Variants in HECW1 observed in about 807,000 individuals in gnomAD.
HECW1 encodes the protein E3 ubiquitin-protein ligase HECW1.
Under a neutral mutation model 182.3 loss-of-function variants are expected in HECW1, and 61 were observed. That is an observed-to-expected ratio of 0.33 (90% CI 0.27 to 0.41). The LOEUF (loss-of-function observed/expected upper bound fraction) is 0.41, where lower values mean the gene tolerates loss of function less well. Ranked by LOEUF, HECW1 falls within the 10% of genes least tolerant of loss-of-function variation. The pLI is 1.00. For missense variants in HECW1, 1,739 were observed against 2,108.9 expected (o/e 0.82, Z 3.44); for synonymous variants, 859 against 832.6 (o/e 1.03, Z -0.55).
intron 2 of HECW1, among the ~76,000 whole-genome samples, chr7:43,212,858 T>C (rs773699361): frequency 3.9e-5 from 6 of 152,238 alleles, no homozygotes; most frequent in Non-Finnish European, 8.8e-5. Flanking sequence ...GAAAAAGATC[T>C]TATTTGGCTA....
intron 6 of HECW1, among the ~76,000 whole-genome samples, chr7:43,381,950 C>T (rs1179731886): frequency 1.3e-5 from 2 of 152,096 alleles, no homozygotes; most frequent in Non-Finnish European, 2.9e-5. Context: ...AGGTGTGAGT[C>T]ACCACACCCA....
At position 43,167,493 on chromosome 7, in the gene HECW1, G is replaced by C. The variant is rs189410983; in HGVS notation, c.-32+53102G>C. On this transcript the variant is annotated intron_variant, in intron 2 of 29. Transcript: ENST00000395891. ...GATCCACTATTCAACAACTCCAGATGGAGGGAGGTTGGAAGAGGTTCGGAG... is the reference window on the plus strand; with the variant it reads ...GATCCACTATTCAACAACTCCAGATCGAGGGAGGTTGGAAGAGGTTCGGAG... 1.0e-3 allele frequency among the ~76,000 whole-genome samples: 155 copies of C among 152,312 alleles called. 1 individual carries two copies. Among genetic ancestry groups the C allele is most frequent in the African/African-American group, 3.6e-3 (148 of 41,562 alleles).
At chr7:43,198,265 A>ACACT (rs1163333487) in intron 2 of HECW1, among the ~76,000 whole-genome samples, 331 of 147,766 alleles carry the variant, frequency 2.2e-3, no homozygotes, top group African/African-American at 7.9e-3. Flanking sequence ...ACCCACTCAC[A>ACACT]CACACCCCAC....
At chr7:43,308,571 A>T (rs1808090932) in intron 3 of HECW1, among the ~76,000 whole-genome samples, 1 of 151,426 alleles carries the variant, frequency 6.6e-6, no homozygotes, top group Non-Finnish European at 1.5e-5. Context: ...CTTTGTGTTC[A>T]TATCTTTATT....
chr7:43,315,764 G>A (rs1809161567), intron 4 of HECW1, among the ~76,000 whole-genome samples: 1 of 152,082 alleles, frequency 6.6e-6, no homozygotes, highest in East Asian at 1.9e-4. Flanking sequence ...AAACTCCTGG[G>A]ATTACAGGCG....
Position 43,444,968 on chromosome 7 carries a change from G to A in HECW1, c.1796G>A (p.Gly599Glu). The A allele has an allele frequency of 3.8e-6, 6 of 1,565,546 alleles. No individual in the cohort carries two copies. The highest frequency in any genetic ancestry group is 5.2e-6 in the Non-Finnish European group (6 of 1,154,568). Residue 599 changes from glycine to glutamate, a missense_variant, in exon 11 of 30, where the codon GGG (glycine) becomes GAG (glutamate). By Grantham distance (98) the Gly-to-Glu change is moderately conservative. Transcript: ENST00000395891. The surrounding 1 kb of genome is among the most constrained non-coding windows in gnomAD (Gnocchi z 4.3). ...STLKDSSEKDGLSEVDTVAAD... is the reference protein window; with the variant it reads ...STLKDSSEKDELSEVDTVAAD... Reference sequence around the variant, plus strand: ...CTCAAGGACTCCTCGGAGAAGGATGGGCTCAGCGAGGTGGACACGGTGGCC... The same window carrying A: ...CTCAAGGACTCCTCGGAGAAGGATGAGCTCAGCGAGGTGGACACGGTGGCC...
intron 3 of HECW1, chr7:43,274,220 A>G (rs1802795338): frequency 3.5e-6 from 2 of 575,696 alleles, no homozygotes; most frequent in Non-Finnish European, 6.0e-6. Flanking sequence ...CCACCCCCAA[A>G]TGCCACACAC....
chr7:43,269,718 C>T (rs1802175453), intron 3 of HECW1, among the ~76,000 whole-genome samples: 1 of 152,172 alleles, frequency 6.6e-6, no homozygotes, highest in Non-Finnish European at 1.5e-5. Context: ...TGTCAAAAGT[C>T]TAGGCTGTCT....
intron 7 of HECW1, among the ~76,000 whole-genome samples, chr7:43,397,247 T>C (rs2075261500): frequency 6.6e-6 from 1 of 152,062 alleles, no homozygotes; most frequent in Non-Finnish European, 1.5e-5. Flanking sequence ...AAACCTCACA[T>C]GGGGCACAAC....
intron 6 of HECW1, among the ~76,000 whole-genome samples, chr7:43,361,811 CTCTCT>C (rs1215778558): frequency 8.0e-6 from 1 of 125,372 alleles, no homozygotes; most frequent in Non-Finnish European, 1.7e-5. Flanking sequence ...AAAAAAGACT[CTCTCT>C]TTTTTTTTTT....
intron 28 of HECW1, 117 bp from the exon 29 acceptor site, chr7:43,554,475 G>C (rs2081954536): frequency 1.1e-6 from 1 of 877,634 alleles, no homozygotes; most frequent in Non-Finnish European, 1.8e-6. Context: ...AGAGAAATCA[G>C]ATCAAAAGCA....
intron 3 of HECW1, among the ~76,000 whole-genome samples, chr7:43,279,621 CCTT>C (rs1224015286): frequency 6.6e-6 from 1 of 152,162 alleles, no homozygotes; most frequent in East Asian, 1.9e-4. Flanking sequence ...TGTGCGCCCT[CCTT>C]GTCCCCATTT....
At chr7:43,281,064 T>TG (rs1803835524) in intron 3 of HECW1, among the ~76,000 whole-genome samples, 1 of 152,168 alleles carries the variant, frequency 6.6e-6, no homozygotes. Flanking sequence ...ACTCATTGAC[T>TG]GGGGGAGTGG....
At chr7:43,468,479 C>T (rs1189662009) in intron 15 of HECW1, among the ~76,000 whole-genome samples, 1 of 151,688 alleles carries the variant, frequency 6.6e-6, no homozygotes, top group Non-Finnish European at 1.5e-5. Flanking sequence ...ACGGATATCA[C>T]AGATAGTCCA....
chr7:43,422,365 GT>G (rs2076210218), intron 8 of HECW1, among the ~76,000 whole-genome samples: 2 of 106,386 alleles, frequency 1.9e-5, no homozygotes, highest in Non-Finnish European at 3.5e-5. Context: ...TTTGGTTGTT[GT>G]TGTTTTTTTT....
At chr7:43,309,023 A>G (rs1461035971) in intron 3 of HECW1, among the ~76,000 whole-genome samples, 1 of 152,220 alleles carries the variant, frequency 6.6e-6, no homozygotes, top group Non-Finnish European at 1.5e-5. Flanking sequence ...GGGGCTTTTC[A>G]TGGCAGGAAT....
At chr7:43,214,564 G>T (rs998163716) in intron 2 of HECW1, among the ~76,000 whole-genome samples, 2 of 152,084 alleles carry the variant, frequency 1.3e-5, no homozygotes, top group Non-Finnish European at 2.9e-5. Context: ...TGTTTTGTTT[G>T]GTTTTTATTG....
chr7:43,365,353 C>T (rs529233988), intron 6 of HECW1, among the ~76,000 whole-genome samples: 2 of 152,328 alleles, frequency 1.3e-5, no homozygotes, highest in Middle Eastern at 3.4e-3. Flanking sequence ...CCTGGGACTG[C>T]GGCCTCCAGA....
chr7:43,273,409 T>A (rs1348920309), intron 3 of HECW1, among the ~76,000 whole-genome samples: 2 of 152,122 alleles, frequency 1.3e-5, no homozygotes, highest in Admixed American at 6.5e-5. Flanking sequence ...CTATATAAAT[T>A]GAACAGAAAT....
Sources: allele counts gnomAD v4.1 joint callset (sites outside exome capture counted in the v4.1 genomes callset), GRCh38; gene constraint gnomAD v4.1.1; non-coding constraint Gnocchi (gnomAD v3.1); transcripts MANE v1.5; gene names NCBI Gene and HGNC (gene_info 2026-07-23, HGNC 2026-07-21).